The following VPS13C variants were observed in gnomAD, a reference collection of about 807,000 sequenced individuals.
The protein encoded by VPS13C is intermembrane lipid transfer protein VPS13C.
A neutral mutation model predicts 456.8 loss-of-function variants in VPS13C; 358 were observed. That is an observed-to-expected ratio of 0.78 (90% confidence interval 0.72 to 0.86). The LOEUF is 0.86. Among genes scored for constraint, VPS13C ranks in the 40% least tolerant of loss-of-function variants. The pLI, the probability that VPS13C is intolerant of heterozygous loss-of-function variation, is 0.00. For synonymous variants in VPS13C, 1,578 were observed against 1,486.7 expected, an observed-to-expected ratio of 1.06 and a Z score of -1.41; for missense variants, 4,818 against 4,385.4, an observed-to-expected ratio of 1.10 and a Z score of -2.79.
chr15:61,910,265 C>G lies in VPS13C; in HGVS notation c.8756G>C (p.Cys2919Ser), dbSNP rs745848224. 1 of 1,527,342 alleles carries G rather than the reference C, an allele frequency of 6.5e-7. No homozygotes were observed. The highest frequency in any genetic ancestry group is 1.9e-5 in the Admixed American group (1 of 53,972). 94.6% of individuals were successfully genotyped at this position (1,527,342 alleles called of 1,614,324 possible). A position where few individuals can be genotyped will look rare whatever the true frequency, so the allele number is the denominator to read the frequency against. The change falls in exon 64 of 85, where the codon TGT becomes TCT. Residue 2919 changes from cysteine to serine, a missense_variant. This residue lies in a region of VPS13C where 4,552 missense variants were observed against 4,130.6 expected (regional missense o/e 1.10). Transcript: ENST00000644861. ...TCCTTCACAGCCCACCACTCTCACA[C>G]AAAGTTTGCCTGACAAACTTTCTGG... ...FWPESLSGKL[C>S]VRVVGCEGSS...
At chr15:61,891,716 C>G (rs915754864) in intron 66 of VPS13C, among the ~76,000 whole-genome samples, 1 of 152,134 alleles carries the variant, frequency 6.6e-6, no homozygotes, top group African/African-American at 2.4e-5. Context: ...GTCATATTAT[C>G]ATTATCTATT....
Position 61,985,005 on chromosome 15 carries a change from C to T in VPS13C, c.1579-6G>A, listed in dbSNP as rs1306109127. 1.4e-6 allele frequency: 2 copies of T among 1,424,830 alleles called. No individual in the cohort carries two copies. The highest frequency in any genetic ancestry group is 1.9e-6 in the Non-Finnish European group (2 of 1,079,820). 88.3% of individuals were successfully genotyped at this position (1,424,830 alleles called of 1,614,324 possible). A position where few individuals can be genotyped will look rare whatever the true frequency, so the allele number is the denominator to read the frequency against. ...GTCATAATATGGGCAACATACTATA[C>T]AGAAAGAATGAAATTAAAATTGTTA... On this transcript the variant is annotated splice_region_variant and splice_polypyrimidine_tract_variant and intron_variant, in intron 18 of 84. Transcript: ENST00000644861.
chr15:61,992,016 T>C (rs888747210), intron 16 of VPS13C, among the ~76,000 whole-genome samples: 11 of 152,120 alleles, frequency 7.2e-5, no homozygotes, highest in Admixed American at 2.0e-4. Context: ...TGATAGCATT[T>C]TGATAAGGCT....
At chr15:61,979,660 G>A (rs2045813870) in intron 22 of VPS13C, among the ~76,000 whole-genome samples, 1 of 152,196 alleles carries the variant, frequency 6.6e-6, no homozygotes, top group African/African-American at 2.4e-5. Context: ...CCTAATTGAA[G>A]AGGACCGATG....
At chr15:61,944,996 A>T (rs1255065285) in intron 45 of VPS13C, among the ~76,000 whole-genome samples, 1 of 152,122 alleles carries the variant, frequency 6.6e-6, no homozygotes, top group African/African-American at 2.4e-5. Flanking sequence ...AACTGGTAGG[A>T]GGTGACTGGA....
chr15:61,940,625 A>G (rs1426006221), intron 47 of VPS13C, 22 bp downstream of exon 47: 2 of 1,591,524 alleles, frequency 1.3e-6, no homozygotes, highest in Admixed American at 1.7e-5. Context: ...AAATTTTCAT[A>G]TATTATATAC....
chr15:61,980,592 C>G (rs1380994996), intron 22 of VPS13C, among the ~76,000 whole-genome samples: 1 of 151,998 alleles, frequency 6.6e-6, no homozygotes, highest in Admixed American at 6.6e-5. Flanking sequence ...GCCCAACTTA[C>G]AGTCCTAATT....
At chr15:61,909,433 T>C (rs1205965600) in intron 64 of VPS13C, among the ~76,000 whole-genome samples, 1 of 152,214 alleles carries the variant, frequency 6.6e-6, no homozygotes, top group Admixed American at 6.5e-5. Context: ...GGTCTCGAAC[T>C]CCTGACCTAG....
At chr15:62,045,949 T>C (rs2048386928) in intron 1 of VPS13C, among the ~76,000 whole-genome samples, 1 of 152,180 alleles carries the variant, frequency 6.6e-6, no homozygotes, top group Non-Finnish European at 1.5e-5. Flanking sequence ...AAAGTATCTA[T>C]ATATGCACAA....
intron 62 of VPS13C, among the ~76,000 whole-genome samples, chr15:61,912,971 C>T (rs1046719507): frequency 6.6e-6 from 1 of 151,012 alleles, no homozygotes; most frequent in African/African-American, 2.4e-5. Flanking sequence ...CAAATCAAAA[C>T]CACAATGAGA....
intron 3 of VPS13C, among the ~76,000 whole-genome samples, chr15:62,039,273 G>A (rs930311388): frequency 2.6e-5 from 4 of 152,018 alleles, no homozygotes; most frequent in African/African-American, 9.7e-5. Flanking sequence ...ATGAAATCAT[G>A]TCCCCTACAG....
intron 63 of VPS13C, among the ~76,000 whole-genome samples, chr15:61,911,064 C>T (rs1659105714): frequency 6.6e-6 from 1 of 152,084 alleles, no homozygotes; most frequent in Admixed American, 6.6e-5. Flanking sequence ...GAGTCTTTTG[C>T]CAAATATTTC....
At chr15:61,950,332 C>T in intron 41 of VPS13C, 26 bp downstream of exon 41, 2 of 1,577,280 alleles carry the variant, frequency 1.3e-6, no homozygotes, top group Admixed American at 3.3e-5. Flanking sequence ...ACAACCCAAC[C>T]TTATAGCAAA....
At chr15:61,874,567 G>A (rs117221342) in intron 77 of VPS13C, among the ~76,000 whole-genome samples, 4,457 of 151,912 alleles carry the variant, frequency 0.029, 87 homozygotes, top group Non-Finnish European at 0.045. Context: ...TAAACTAATA[G>A]GTGCTTAAAA....
In VPS13C at chr15:61,945,851, C is replaced by G; in HGVS notation, c.5012G>C (p.Arg1671Thr). The part of the protein sequence containing the change: ...AVSILGDEVF[R>T]FQLTLYPDAT... Reference sequence around the variant, plus strand: ...ATCTGGATAAAGAGTCAGTTGGAACCTAAAGACTTCATCTCCCAAAATAGA... The same window carrying G: ...ATCTGGATAAAGAGTCAGTTGGAACGTAAAGACTTCATCTCCCAAAATAGA... The change falls in exon 45 of 85, where the codon AGG (arginine) becomes ACG (threonine). Residue 1671 changes from arginine to threonine, a missense_variant. Transcript: ENST00000644861. 6.2e-7 allele frequency: 1 copy of G among 1,610,700 alleles called. No homozygotes were observed. Among genetic ancestry groups the G allele is most frequent in the Non-Finnish European group, 8.5e-7 (1 of 1,179,078 alleles).
In VPS13C at chr15:61,878,700, T is replaced by C. The variant is rs1459627540; in HGVS notation, c.10049A>G (p.Lys3350Arg). The C allele has an allele frequency of 1.9e-6, 3 of 1,611,512 alleles. No homozygotes were observed. The highest frequency in any genetic ancestry group is 3.4e-5 in the Admixed American group (2 of 59,696). ...SLGSGGEESD[K>R]EKQEMFAVHS... ...AACTGCAAACATTTCCTGTTTTTCT[T>C]TGTCTGATTCTTCACCTCCGGAACC... is the stretch of plus-strand genomic sequence containing the variant. Residue 3350 changes from lysine to arginine, a missense_variant, in exon 74 of 85, where the codon AAA becomes AGA. By Grantham distance (26) the Lys-to-Arg change is conservative (BLOSUM62 2). Coordinates refer to ENST00000644861, the MANE Select transcript of VPS13C (RefSeq NM_020821.3).
chr15:62,056,627 G>C (rs1249128904), intron 1 of VPS13C, among the ~76,000 whole-genome samples: 7 of 152,130 alleles, frequency 4.6e-5, no homozygotes, highest in Non-Finnish European at 8.8e-5. Context: ...ACCTCTTGTG[G>C]AGGGCCTGAC....
chr15:61,865,696 A>G lies in VPS13C; in HGVS notation c.10864-2168T>C, dbSNP rs140375940. 2.9e-3 allele frequency: 1,093 copies of G among 380,898 alleles called. 5 individuals are homozygous for G. Among genetic ancestry groups the G allele is most frequent in the Admixed American group, 4.9e-3 (76 of 15,406 alleles). 23.6% of individuals were successfully genotyped at this position (380,898 alleles called of 1,614,324 possible). A position where few individuals can be genotyped will look rare whatever the true frequency, so the allele number is the denominator to read the frequency against. ...TGTGTATATTTGTATGTGTATATAT[A>G]TGTGTGTATATGTATGTGTGTATAT... On this transcript the variant is annotated intron_variant, in intron 81 of 84. Coordinates refer to ENST00000644861, the MANE Select transcript of VPS13C (RefSeq NM_020821.3).
At position 61,983,950 on chromosome 15, in the gene VPS13C, G is replaced by A. The variant is rs758343277; in HGVS notation, c.1784C>T (p.Ser595Leu). The A allele has an allele frequency of 1.2e-6, 2 of 1,614,112 alleles. No individual in the cohort carries two copies. Among genetic ancestry groups the A allele is most frequent in the East Asian group, 2.2e-5 (1 of 44,870 alleles). ...AGTGTCACCAATTGAAGCCACAAGT[G>A]ATGGCACAATATCCTGCTGTCTCAA... Reference protein sequence around the residue: ...TGLRQQDIVPSLVASIGDTTS... With the variant: ...TGLRQQDIVPLLVASIGDTTS... Residue 595 changes from serine (S) to leucine (L), a missense_variant, in exon 20 of 85, where the codon TCA becomes TTA. Physicochemically the swap from Ser to Leu is moderately radical, Grantham distance 145. Around this residue, in one of 3 missense-constraint regions of VPS13C, gnomAD observed 4,552 missense variants for 4,130.6 expected, o/e 1.10. Coordinates refer to ENST00000644861, the MANE Select transcript of VPS13C (RefSeq NM_020821.3).
Sources: gnomAD v4.1 joint callset for allele counts (sites outside exome capture counted in the v4.1 genomes callset) on GRCh38, gnomAD v4.1.1 for gene constraint, gnomAD v4.1.1 regional missense constraint, MANE v1.5 for transcripts, NCBI Gene and HGNC (gene_info 2026-07-23, HGNC 2026-07-21) for gene names.